Variants in TMEM175 observed in about 807,000 individuals in gnomAD.
The protein encoded by TMEM175 is endosomal/lysosomal proton channel TMEM175.
A neutral mutation model predicts 36.5 loss-of-function variants in TMEM175; 36 were observed. The ratio of observed to expected loss-of-function variants is 0.99; its 90% CI spans 0.76 to 1.30. TMEM175 has a LOEUF of 1.30. TMEM175 is among the 50% of genes most tolerant of loss of function. The pLI, the probability that TMEM175 is intolerant of heterozygous loss-of-function variation, is 0.00. For synonymous variants in TMEM175, 339 were observed against 313.4 expected, an observed-to-expected ratio of 1.08 and a Z score of -0.86; for missense variants, 705 against 692.8, an observed-to-expected ratio of 1.02 and a Z score of -0.20.
chr4:952,307 G>C (rs1682431772), intron 6 of TMEM175, 60 bp from the exon 7 acceptor site: 1 of 1,510,718 alleles, frequency 6.6e-7, no homozygotes, highest in Non-Finnish European at 9.1e-7. Flanking sequence ...CCCAGTTCCA[G>C]GCTCTGGGGC....
At chr4:952,975 C>T (rs977729122) in intron 7 of TMEM175, among the ~76,000 whole-genome samples, 2 of 151,980 alleles carry the variant, frequency 1.3e-5, no homozygotes, top group Non-Finnish European at 2.9e-5. Flanking sequence ...CCACCTCAGC[C>T]CCTGTGCCCA....
rs1221764412 is a variant in TMEM175, at chr4:953,342, CTTT to C, written c.616_618del (p.Phe206del). 2 of 1,611,864 alleles carry C rather than the reference CTTT, an allele frequency of 1.2e-6. No individual in the cohort carries two copies. Among genetic ancestry groups the C allele is most frequent in the African/African-American group, 2.7e-5 (2 of 74,918 alleles). ...TTGCAGCGGCCATCTTCTCTCTCTT[CTTT>C]GTCCCCTTGGTGAGTGCTGGGACAG... On this transcript the variant is annotated inframe_deletion, in exon 8 of 11. Coordinates refer to ENST00000264771, the MANE Select transcript of TMEM175 (RefSeq NM_032326.4).
rs1472435749 is a variant in TMEM175, at chr4:958,110, C to T, written c.1129C>T (p.Arg377Cys). The change falls in exon 11 of 11, where the codon CGT (arginine) becomes TGT (cysteine). Residue 377 changes from arginine to cysteine, a missense_variant. Coordinates refer to ENST00000264771, the MANE Select transcript of TMEM175 (RefSeq NM_032326.4). ...GCCCCGCGATGAGCTGGAGCGCGTG[C>T]GTGTCAGCTGCACCATCATCTTCCT... Reference protein sequence around the residue: ...RQPRDELERVRVSCTIIFLAS... With the variant: ...RQPRDELERVCVSCTIIFLAS... 8 of 1,604,298 alleles carry T rather than the reference C, an allele frequency of 5.0e-6. No individual in the cohort carries two copies. Among genetic ancestry groups the T allele is most frequent in the Admixed American group, 1.7e-5 (1 of 60,004 alleles).
intron 7 of TMEM175, among the ~76,000 whole-genome samples, chr4:952,684 G>A (rs1343480276): frequency 5.4e-5 from 8 of 147,526 alleles, no homozygotes; most frequent in Non-Finnish European, 1.2e-4. Flanking sequence ...CTTGGGGCCC[G>A]GGGTCCTGTG....
intron 1 of TMEM175, among the ~76,000 whole-genome samples, chr4:935,639 G>A (rs1726702589): frequency 6.6e-6 from 1 of 152,174 alleles, no homozygotes; most frequent in South Asian, 2.1e-4. Flanking sequence ...GGATATAGGC[G>A]ACTTGAACAT....
chr4:951,943 C>T, intron 6 of TMEM175: 1 of 604,196 alleles, frequency 1.7e-6, no homozygotes, highest in Non-Finnish European at 2.9e-6. Flanking sequence ...GCGCTCCCAG[C>T]TCCCACCCGG....
chr4:956,443 G>GTTTTTT, intron 10 of TMEM175: 6 of 1,210,770 alleles, frequency 5.0e-6, no homozygotes, highest in South Asian at 2.7e-5. Flanking sequence ...TTTTTGTGGG[G>GTTTTTT]TTTTTTTTTT....
At chr4:939,697 CAG>C (rs1318492046) in intron 1 of TMEM175, among the ~76,000 whole-genome samples, 9 of 152,164 alleles carry the variant, frequency 5.9e-5, no homozygotes, top group Non-Finnish European at 1.3e-4. Flanking sequence ...GCCTGAGTGA[CAG>C]AGTGAGACTC....
chr4:934,591 T>A (rs1431578637), intron 1 of TMEM175, among the ~76,000 whole-genome samples: 1 of 152,332 alleles, frequency 6.6e-6, no homozygotes, highest in East Asian at 1.9e-4. Flanking sequence ...TCAAAATGTT[T>A]GTCTGTGGAA....
chr4:958,576 C>A lies in TMEM175; in HGVS notation c.*80C>A. On this transcript the variant is annotated 3_prime_UTR_variant, in exon 11 of 11. Transcript: ENST00000264771. Reference sequence around the variant, plus strand: ...GGATGCTGGGCAGGGGAAGCCAAGTCACGGGCAGGCCGCAGTGGTTCTTGC... The same window carrying A: ...GGATGCTGGGCAGGGGAAGCCAAGTAACGGGCAGGCCGCAGTGGTTCTTGC... 1 of 1,226,686 alleles carries A rather than the reference C, an allele frequency of 8.2e-7. No homozygotes were observed. Among genetic ancestry groups the A allele is most frequent in the Non-Finnish European group, 1.1e-6 (1 of 909,354 alleles). The allele number at this position is 1,226,686 out of a possible 1,614,324, so 76.0% of individuals were successfully genotyped here.
At chr4:956,400 G>A in intron 10 of TMEM175, 1 of 1,289,522 alleles carries the variant, frequency 7.8e-7, no homozygotes, top group Non-Finnish European at 1.0e-6. Context: ...GTCTGTTAGA[G>A]CGCGCGTCTC....
In TMEM175 at chr4:955,625, G is replaced by A. The variant is rs182174369; in HGVS notation, c.707-130G>A. ...GGCTCCCCCACTCCGCCCCTCGGGC[G>A]TCCCTGTCCTGTCTCCTCTCCTGGC... On this transcript the variant is annotated intron_variant, in intron 9 of 10. Transcript: ENST00000264771. The A allele has an allele frequency of 4.8e-5, 70 of 1,466,394 alleles. No individual in the cohort carries two copies. The East Asian group carries it at 1.2e-3, about 24-fold the overall frequency. The allele number at this position is 1,466,394 out of a possible 1,614,324, so 90.8% of individuals were successfully genotyped here.
chr4:951,674 C>T lies in TMEM175; in HGVS notation c.343-8C>T, dbSNP rs771168944. 1 of 1,614,022 alleles carries T rather than the reference C, an allele frequency of 6.2e-7. No homozygotes were observed. Among genetic ancestry groups the T allele is most frequent in the African/African-American group, 1.3e-5 (1 of 74,922 alleles). ...GCATCATGGCTGTGATGCCCTCCCT[C>T]CCTCCAGGCCTGCATGATGACCATC... On this transcript the variant is annotated splice_polypyrimidine_tract_variant and splice_region_variant and intron_variant, in intron 5 of 10. Coordinates refer to ENST00000264771, the MANE Select transcript of TMEM175 (RefSeq NM_032326.4).
At chr4:941,075 A>G (rs1727412968) in intron 1 of TMEM175, among the ~76,000 whole-genome samples, 2 of 148,656 alleles carry the variant, frequency 1.3e-5, no homozygotes, top group Admixed American at 1.3e-4. Flanking sequence ...GGGGGATGTG[A>G]AAGTGTATAA....
chr4:947,266 C>T (rs565961233), intron 1 of TMEM175, among the ~76,000 whole-genome samples: 1 of 143,038 alleles, frequency 7.0e-6, no homozygotes, highest in Non-Finnish European at 1.5e-5. Flanking sequence ...CGGGGGAGAG[C>T]GCGGCCCTGT....
chr4:952,583 G>C (rs1403695126), intron 7 of TMEM175, 133 bp downstream of exon 7: 1 of 876,106 alleles, frequency 1.1e-6, no homozygotes, highest in Non-Finnish European at 1.8e-6. Flanking sequence ...GTGTGTGTGT[G>C]TGTGTGTGTT....
chr4:947,996 C>G (rs762507154), intron 2 of TMEM175, 104 bp downstream of exon 2: 1 of 1,610,980 alleles, frequency 6.2e-7, no homozygotes, highest in African/African-American at 1.3e-5. Context: ...CCTTGGGTCC[C>G]CCAGCTCCTC....
At chr4:953,394 G>C (rs746378601) in intron 8 of TMEM175, 40 bp downstream of exon 8, 5 of 1,564,430 alleles carry the variant, frequency 3.2e-6, no homozygotes, top group African/African-American at 2.7e-5. Flanking sequence ...GGCAGGAACG[G>C]GGGCCACCAT....
chr4:944,663 G>C (rs1253312701), intron 1 of TMEM175, among the ~76,000 whole-genome samples: 1 of 152,174 alleles, frequency 6.6e-6, no homozygotes, highest in Admixed American at 6.5e-5. Context: ...TGGTACAATA[G>C]TATGGTTTTG....
Sources: gnomAD v4.1 joint callset for allele counts (sites outside exome capture counted in the v4.1 genomes callset) on GRCh38, gnomAD v4.1.1 for gene constraint, MANE v1.5 for transcripts, NCBI Gene and HGNC (gene_info 2026-07-23, HGNC 2026-07-21) for gene names.